Variants in GABRA2 observed in about 807,000 individuals in gnomAD.
The protein encoded by GABRA2 is gamma-aminobutyric acid type A receptor subunit alpha2, also known as gamma-aminobutyric acid receptor subunit alpha-2.
GABRA2 carries 16 observed loss-of-function variants against 48.7 expected under a neutral mutation model. That is an observed-to-expected ratio of 0.33 (90% CI 0.22 to 0.50). The LOEUF is 0.50. Among genes scored for constraint, GABRA2 ranks in the 20% least tolerant of loss-of-function variants. The pLI is 0.98. For synonymous variants in GABRA2, 185 were observed against 184.5 expected, an observed-to-expected ratio of 1.00 and a Z score of -0.02; for missense variants, 275 against 535.6, an observed-to-expected ratio of 0.51 and a Z score of 4.80.
intron 8 of GABRA2, among the ~76,000 whole-genome samples, chr4:46,299,434 G>T (rs1039818623): frequency 6.6e-6 from 1 of 151,596 alleles, no homozygotes; most frequent in African/African-American, 2.4e-5. Flanking sequence ...TACACAACTT[G>T]GTTGCAATTT....
intron 8 of GABRA2, among the ~76,000 whole-genome samples, chr4:46,263,779 T>C (rs1717530056): frequency 6.6e-6 from 1 of 152,056 alleles, no homozygotes; most frequent in Non-Finnish European, 1.5e-5. Flanking sequence ...ATTTTGTTCA[T>C]CTTTGCAAAA....
At chr4:46,262,950 GAAAGAA>G (rs1471517598) in intron 8 of GABRA2, among the ~76,000 whole-genome samples, 1 of 86,624 alleles carries the variant, frequency 1.2e-5, no homozygotes, top group Non-Finnish European at 2.2e-5. Flanking sequence ...AAGAAAGAAA[GAAAGAA>G]AGAGAGAGAG....
rs936788622 is a variant in GABRA2 at position 46,248,071 on chromosome 4, C to A, written c.*2237G>T. On this transcript the variant is annotated 3_prime_UTR_variant, in exon 10 of 10. Coordinates refer to ENST00000381620, the MANE Select transcript of GABRA2 (RefSeq NM_000807.4). ...TGGTGCCATCAATATAGTAGCAGCT[C>A]TTTGCCCAAAGTATAGATAAGCCTT... Among the ~76,000 whole-genome samples the A allele has an allele frequency of 2.0e-5, 3 of 151,308 alleles. No individual in the cohort carries two copies. Among genetic ancestry groups the A allele is most frequent in the Admixed American group, 1.3e-4 (2 of 15,122 alleles).
Position 46,291,037 on chromosome 4 carries a change from TA to T in GABRA2, c.856+12422del, listed in dbSNP as rs371738580. Reference sequence around the variant, plus strand: ...TCTATATTCATAATGGATATTAGTATATAGTTTTCTTCAGGTATCTTTGTCT... The same window carrying T: ...TCTATATTCATAATGGATATTAGTATTAGTTTTCTTCAGGTATCTTTGTCT... On this transcript the variant is annotated intron_variant, in intron 8 of 9. Transcript: ENST00000381620. Among the ~76,000 whole-genome samples, 1,016 of 152,314 alleles carry T rather than the reference TA, an allele frequency of 6.7e-3. 14 individuals are homozygous for T. The highest frequency in any genetic ancestry group is 0.023 in the African/African-American group (961 of 41,564).
chr4:46,383,976 GAAAGA>G (rs1434935746), intron 3 of GABRA2, among the ~76,000 whole-genome samples: 2 of 152,158 alleles, frequency 1.3e-5, no homozygotes, highest in Non-Finnish European at 2.9e-5. Context: ...AGGGAGGAGA[GAAAGA>G]ATTGATATCA....
intron 4 of GABRA2, among the ~76,000 whole-genome samples, chr4:46,325,215 T>G (rs1730146311): frequency 6.6e-6 from 1 of 152,000 alleles, no homozygotes; most frequent in Admixed American, 6.6e-5. Flanking sequence ...CAGCAGTATG[T>G]AAGCACTCCT....
chr4:46,380,992 G>A lies in GABRA2; in HGVS notation c.187+5082C>T, dbSNP rs115667176. The stretch of plus-strand genomic sequence containing the variant: ...ATTTTTAAGCATAAAGCATCTTCAA[G>A]GTTTCAGAGTATAAAACAAAAGTAC... On this transcript the variant is annotated intron_variant, in intron 3 of 9. Coordinates refer to ENST00000381620, the MANE Select transcript of GABRA2 (RefSeq NM_000807.4). 1.8e-3 allele frequency among the ~76,000 whole-genome samples: 281 copies of A among 152,236 alleles called. 1 individual carries two copies. The highest frequency in any genetic ancestry group is 6.6e-3 in the African/African-American group (273 of 41,550).
At position 46,388,685 on chromosome 4, in the gene GABRA2, A is replaced by T. The variant is rs1406612957; in HGVS notation, c.22T>A (p.Tyr8Asn). MKTKLNI[Y>N]NMQFLLFVFL... is the part of the protein sequence containing the mutation. ...ACAAAAAGCAGGAACTGCATGTTGTAGATGTTCAATTTTGTCTTCATCACC... is the reference window on the plus strand; with the variant it reads ...ACAAAAAGCAGGAACTGCATGTTGTTGATGTTCAATTTTGTCTTCATCACC... Residue 8 changes from tyrosine (Y) to asparagine (N), a missense_variant, in exon 2 of 10, where the codon TAC (tyrosine) becomes AAC (asparagine). This residue lies in a region of GABRA2 where 39 missense variants were observed against 40.5 expected (regional missense o/e 0.96). Transcript: ENST00000381620. The T allele has an allele frequency of 6.2e-7, 1 of 1,614,186 alleles. No individual in the cohort carries two copies. The highest frequency in any genetic ancestry group is 2.2e-5 in the East Asian group (1 of 44,866).
chr4:46,250,410 G>A lies in GABRA2; in HGVS notation c.1254C>T (p.Asp418=), dbSNP rs765590557. ...KKTFNSVSKI[D]RMSRIVFPVL... ...CTGGAAAAACTATTCTGGACATTCTGTCAATTTTGCTAACACTGTTGAAAG... is the reference window on the plus strand; with the variant it reads ...CTGGAAAAACTATTCTGGACATTCTATCAATTTTGCTAACACTGTTGAAAG... Residue 418 remains aspartate, a synonymous_variant, in exon 10 of 10, where the codon GAC becomes GAT. Coordinates refer to ENST00000381620, the MANE Select transcript of GABRA2 (RefSeq NM_000807.4). The A allele has an allele frequency of 6.2e-7, 1 of 1,611,604 alleles. No individual in the cohort carries two copies. Among genetic ancestry groups the A allele is most frequent in the African/African-American group, 1.3e-5 (1 of 74,694 alleles).
chr4:46,293,298 C>A (rs1724018916), intron 8 of GABRA2, among the ~76,000 whole-genome samples: 1 of 152,122 alleles, frequency 6.6e-6, no homozygotes, highest in Admixed American at 6.5e-5. Flanking sequence ...GGGGGGTCCC[C>A]TTGAGAAGGG....
chr4:46,296,989 A>G (rs2109579187), intron 8 of GABRA2, among the ~76,000 whole-genome samples: 1 of 152,216 alleles, frequency 6.6e-6, no homozygotes, highest in South Asian at 2.1e-4. Flanking sequence ...TAGTTGTATT[A>G]CCTTAGGTGT....
intron 7 of GABRA2, 52 bp from the exon 8 acceptor site, chr4:46,303,664 T>C (rs1726141656): frequency 1.3e-6 from 2 of 1,520,962 alleles, no homozygotes; most frequent in South Asian, 1.1e-5. Flanking sequence ...ACTTTGAACA[T>C]TTAGGAAATA....
At chr4:46,321,471 A>C (rs965073263) in intron 4 of GABRA2, among the ~76,000 whole-genome samples, 9 of 152,066 alleles carry the variant, frequency 5.9e-5, no homozygotes, top group African/African-American at 2.2e-4. Flanking sequence ...TACATCTTAA[A>C]TGTGCATAAT....
At chr4:46,360,558 T>G (rs938175867) in intron 3 of GABRA2, among the ~76,000 whole-genome samples, 1 of 152,218 alleles carries the variant, frequency 6.6e-6, no homozygotes, top group Non-Finnish European at 1.5e-5. Context: ...TGTAAATTGC[T>G]GAGTCTTGGG....
chr4:46,306,555 C>A (rs1197143258), intron 6 of GABRA2, among the ~76,000 whole-genome samples: 1 of 152,170 alleles, frequency 6.6e-6, no homozygotes, highest in Non-Finnish European at 1.5e-5. Context: ...AGGCAGAGTC[C>A]CTCCACAGTT....
At chr4:46,276,599 C>CAA (rs60891194) in intron 8 of GABRA2, among the ~76,000 whole-genome samples, 919 of 85,146 alleles carry the variant, frequency 0.011, 20 homozygotes, top group African/African-American at 0.032. Flanking sequence ...ACTTCAGGCT[C>CAA]AAAAAAAAAA....
Position 46,261,937 on chromosome 4 carries a change from C to T in GABRA2, c.1048G>A (p.Val350Ile). ...RGWAWDGKSV[V>I]NDKKKEKASV... ...AAGCTCTCACTTACCTTGTCATTTACTACACTCTTCCCATCCCAAGCCCAT... is the reference window on the plus strand; with the variant it reads ...AAGCTCTCACTTACCTTGTCATTTATTACACTCTTCCCATCCCAAGCCCAT... The change falls in exon 9 of 10, where the codon GTA becomes ATA. Residue 350 changes from valine (V) to isoleucine (I), a missense_variant. Around this residue, in one of 4 missense-constraint regions of GABRA2, gnomAD observed 99 missense variants for 124.3 expected, o/e 0.80. Coordinates refer to ENST00000381620, the MANE Select transcript of GABRA2 (RefSeq NM_000807.4). 2.5e-6 allele frequency: 4 copies of T among 1,613,274 alleles called. No homozygotes were observed. The South Asian group carries it at 4.4e-5, about 18-fold the overall frequency.
intron 8 of GABRA2, among the ~76,000 whole-genome samples, chr4:46,284,612 C>A (rs2109487032): frequency 6.6e-6 from 1 of 152,200 alleles, no homozygotes; most frequent in East Asian, 1.9e-4. Context: ...AAATGAATAG[C>A]TGAAACCCAA....
chr4:46,273,610 A>G (rs961420548), intron 8 of GABRA2, among the ~76,000 whole-genome samples: 9 of 151,220 alleles, frequency 6.0e-5, no homozygotes, highest in African/African-American at 2.2e-4. Context: ...CCAACTAAAC[A>G]CCATTCTCCG....
Sources: gnomAD v4.1 joint callset for allele counts (sites outside exome capture counted in the v4.1 genomes callset) on GRCh38, gnomAD v4.1.1 for gene constraint, gnomAD v4.1.1 regional missense constraint, MANE v1.5 for transcripts, NCBI Gene and HGNC (gene_info 2026-07-23, HGNC 2026-07-21) for gene names.